LRIG2: variants seen among roughly 807,000 people sequenced by gnomAD.
LRIG2 encodes the protein leucine-rich repeats and immunoglobulin-like domains protein 2.
In LRIG2, 93 loss-of-function variants were observed where a neutral mutation model predicts 107.8. That is an observed-to-expected ratio of 0.86 (90% confidence interval 0.73 to 1.03). LRIG2 has a LOEUF of 1.03. Ranked by LOEUF, LRIG2 falls within the 50% of genes least tolerant of loss-of-function variation. The probability of loss-of-function intolerance (pLI) is 0.00; values close to 1 mark genes in which losing one functional copy is unlikely to be tolerated. For synonymous variants in LRIG2, 471 were observed against 470.6 expected (o/e 1.00, Z -0.01); for missense variants, 1,226 against 1,296.0 (o/e 0.95, Z 0.83).
intron 12 of LRIG2, among the ~76,000 whole-genome samples, chr1:113,109,706 A>T (rs1654689547): frequency 6.6e-6 from 1 of 151,966 alleles, no homozygotes; most frequent in Admixed American, 6.6e-5. Context: ...TTTAGAAGTG[A>T]CGGGGTTTCG....
chr1:113,113,821 A>G (rs1266973635), intron 14 of LRIG2, among the ~76,000 whole-genome samples: 4 of 152,100 alleles, frequency 2.6e-5, no homozygotes, highest in African/African-American at 9.7e-5. Flanking sequence ...TCAGCCTTAG[A>G]AAAATAAGTC....
chr1:113,073,323 C>G lies in LRIG2; in HGVS notation c.-84C>G. 1 of 1,127,350 alleles carries G rather than the reference C, an allele frequency of 8.9e-7. No individual in the cohort carries two copies. Among genetic ancestry groups the G allele is most frequent in the African/African-American group, 1.5e-5 (1 of 65,252 alleles). 69.8% of individuals were successfully genotyped at this position (1,127,350 alleles called of 1,614,324 possible). A position where few individuals can be genotyped will look rare whatever the true frequency, so the allele number is the denominator to read the frequency against. On this transcript the variant is annotated 5_prime_UTR_variant, in exon 1 of 18. Transcript: ENST00000361127. ...GGGGCTTCGGGAGACAGTGCAGCCA[C>G]CGAGCATCTCTGCTGAGCTTCTCCG...
At chr1:113,111,927 C>T (rs976322578) in intron 13 of LRIG2, among the ~76,000 whole-genome samples, 1 of 152,104 alleles carries the variant, frequency 6.6e-6, no homozygotes, top group African/African-American at 2.4e-5. Flanking sequence ...CCTGCCTCAG[C>T]CTCCCAGGGA....
In LRIG2 at chr1:113,123,919, C is replaced by T. The variant is rs774796560; in HGVS notation, c.3016C>T (p.Leu1006=). The T allele has an allele frequency of 1.9e-6, 3 of 1,614,144 alleles. No individual in the cohort carries two copies. Among genetic ancestry groups the T allele is most frequent in the Admixed American group, 3.3e-5 (2 of 60,008 alleles). ...PVWNINRELG[L]PHPPFSQQPV... ...GTGGAACATAAACAGAGAACTAGGCCTGCCTCATCCTCCTTTTTCCCAGCA... is the reference window on the plus strand; with the variant it reads ...GTGGAACATAAACAGAGAACTAGGCTTGCCTCATCCTCCTTTTTCCCAGCA... Residue 1006 remains leucine (L), a synonymous_variant, in exon 18 of 18, where the codon CTG becomes TTG. Coordinates refer to ENST00000361127, the MANE Select transcript of LRIG2 (RefSeq NM_014813.3).
chr1:113,089,802 C>A (rs1653719495), intron 1 of LRIG2, among the ~76,000 whole-genome samples: 1 of 146,616 alleles, frequency 6.8e-6, no homozygotes, highest in Non-Finnish European at 1.5e-5. Flanking sequence ...AAGTGATTCT[C>A]CTGCCTCAGC....
chr1:113,076,704 G>A lies in LRIG2; in HGVS notation c.239+3059G>A, dbSNP rs185343463. 7.0e-4 allele frequency among the ~76,000 whole-genome samples: 107 copies of A among 152,146 alleles called. 1 individual carries two copies. The East Asian group carries it at 0.019, about 27-fold the overall frequency. On this transcript the variant is annotated intron_variant, in intron 1 of 17. Coordinates refer to ENST00000361127, the MANE Select transcript of LRIG2 (RefSeq NM_014813.3). The stretch of plus-strand genomic sequence containing the variant: ...ACATGTAATGCTTTAAATATATTAG[G>A]GATTCAAATATATGCTCAAACTTGT...
rs558112559 is a variant in LRIG2 at position 113,096,214 on chromosome 1, G to A, written c.948-8G>A. The A allele has an allele frequency of 1.9e-6, 3 of 1,610,546 alleles. No individual in the cohort carries two copies. The highest frequency in any genetic ancestry group is 2.5e-6 in the Non-Finnish European group (3 of 1,179,134). On this transcript the variant is annotated splice_polypyrimidine_tract_variant and splice_region_variant and intron_variant, in intron 7 of 17. Coordinates refer to ENST00000361127, the MANE Select transcript of LRIG2 (RefSeq NM_014813.3). ...GAATTCCTTACCTTCCACATTTCTT[G>A]TTTTCAGTGATTTGTCCTATAACCA...
chr1:113,084,090 C>T (rs538677950), intron 1 of LRIG2, among the ~76,000 whole-genome samples: 12 of 149,736 alleles, frequency 8.0e-5, no homozygotes, highest in Non-Finnish European at 1.8e-4. Context: ...TGGGGTGGGA[C>T]TTAACTATCA....
chr1:113,120,372 C>T (rs1456088801), intron 17 of LRIG2, among the ~76,000 whole-genome samples: 1 of 151,916 alleles, frequency 6.6e-6, no homozygotes, highest in Non-Finnish European at 1.5e-5. Context: ...ATCACTTAAG[C>T]TCGAGATGGA....
At chr1:113,113,717 T>A (rs2101059542) in intron 14 of LRIG2, among the ~76,000 whole-genome samples, 1 of 152,052 alleles carries the variant, frequency 6.6e-6, no homozygotes, top group African/African-American at 2.4e-5. Context: ...CATGTACCAC[T>A]GCGCCCAGCT....
At chr1:113,075,917 A>C (rs186761763) in intron 1 of LRIG2, among the ~76,000 whole-genome samples, 1 of 149,952 alleles carries the variant, frequency 6.7e-6, no homozygotes. Context: ...GTCTGGTCTT[A>C]AACTCCTGAT....
chr1:113,111,373 T>C (rs1383056197), intron 13 of LRIG2, among the ~76,000 whole-genome samples: 1 of 152,208 alleles, frequency 6.6e-6, no homozygotes, highest in Non-Finnish European at 1.5e-5. Flanking sequence ...TGAGTTTTTT[T>C]CCCATGGATG....
intron 15 of LRIG2, among the ~76,000 whole-genome samples, 157 bp from the exon 16 acceptor site, chr1:113,116,130 G>A (rs894043192): frequency 1.3e-5 from 2 of 152,244 alleles, no homozygotes; most frequent in African/African-American, 4.8e-5. Flanking sequence ...ATTCTAGTGA[G>A]AAATAGTTTT....
chr1:113,116,409 A>G lies in LRIG2; in HGVS notation c.2653A>G (p.Asn885Asp), dbSNP rs761969172. 1 of 1,610,816 alleles carries G rather than the reference A, an allele frequency of 6.2e-7. No homozygotes were observed. The highest frequency in any genetic ancestry group is 8.5e-7 in the Non-Finnish European group (1 of 1,179,130). The change falls in exon 16 of 18, where the codon AAT (asparagine) becomes GAT (aspartate). Residue 885 changes from asparagine to aspartate, a missense_variant. Around this residue, in one of 3 missense-constraint regions of LRIG2, gnomAD observed 642 missense variants for 712.2 expected, o/e 0.90. Coordinates refer to ENST00000361127, the MANE Select transcript of LRIG2 (RefSeq NM_014813.3). ...GSHQQLMPPA[N>D]GYIHKGTDGG... ...TCATCAGCAACTTATGCCTCCTGCC[A>G]ATGGATATATACACAAAGGCACTGA... is the stretch of plus-strand genomic sequence containing the variant.
intron 1 of LRIG2, among the ~76,000 whole-genome samples, chr1:113,074,313 G>A (rs1248947715): frequency 6.6e-6 from 1 of 152,140 alleles, no homozygotes; most frequent in East Asian, 1.9e-4. Context: ...TGTTTTCAGC[G>A]CATCTTCTTG....
Position 113,073,211 on chromosome 1 carries a change from C to A in LRIG2, c.-196C>A, listed in dbSNP as rs1002445538. 6 of 590,090 alleles carry A rather than the reference C, an allele frequency of 1.0e-5. No homozygotes were observed. In the East Asian group the frequency reaches 1.4e-4, roughly 14 times the overall value. The allele number at this position is 590,090 out of a possible 1,614,324, so 36.6% of individuals were successfully genotyped here. On this transcript the variant is annotated 5_prime_UTR_variant, in exon 1 of 18. Coordinates refer to ENST00000361127, the MANE Select transcript of LRIG2 (RefSeq NM_014813.3). ...GTGGGGAGGGGCGGACGAGAGGTGT[C>A]CGTCAGGCCGTGTGTCCCAGGCCGT...
intron 11 of LRIG2, among the ~76,000 whole-genome samples, chr1:113,106,227 CAAAA>C (rs10581084): frequency 2.0e-5 from 3 of 147,958 alleles, no homozygotes; most frequent in Admixed American, 6.7e-5. Context: ...GACTCTGTCT[CAAAA>C]AAAAAAAAAG....
intron 1 of LRIG2, among the ~76,000 whole-genome samples, chr1:113,081,822 C>T (rs1238026108): frequency 1.3e-5 from 2 of 152,162 alleles, no homozygotes; most frequent in African/African-American, 4.8e-5. Context: ...GCTCGGCCTC[C>T]AGCCACCCAT....
At position 113,116,396 on chromosome 1, in the gene LRIG2, T is replaced by TA. The variant is rs1301091634; in HGVS notation, c.2641dup (p.Met881AsnfsTer13). On this transcript the variant is annotated frameshift_variant, in exon 16 of 18. Transcript: ENST00000361127. LOFTEE classifies it high-confidence loss of function. ...CTGAGGCAGGCAGTCATCAGCAACT[T>TA]ATGCCTCCTGCCAATGGATATATAC... 2 of 1,613,714 alleles carry TA rather than the reference T, an allele frequency of 1.2e-6. No homozygotes were observed. The highest frequency in any genetic ancestry group is 3.3e-5 in the Admixed American group (2 of 59,984).
Sources: allele counts gnomAD v4.1 joint callset (sites outside exome capture counted in the v4.1 genomes callset), GRCh38; gene constraint gnomAD v4.1.1; regional missense constraint gnomAD v4.1.1; transcripts MANE v1.5; gene names NCBI Gene and HGNC (gene_info 2026-07-23, HGNC 2026-07-21).